SMC5: variants seen among roughly 807,000 people sequenced by gnomAD.
SMC5 encodes structural maintenance of chromosomes protein 5.
A neutral mutation model predicts 148.3 loss-of-function variants in SMC5; 88 were observed. The ratio of observed to expected loss-of-function variants is 0.59; its 90% CI spans 0.50 to 0.71. The LOEUF (loss-of-function observed/expected upper bound fraction) is 0.71. SMC5 is among the 30% of genes least tolerant of loss of function. SMC5 has a pLI of 0.00. For missense variants in SMC5, 1,142 were observed against 1,298.9 expected (o/e 0.88, Z 1.86); for synonymous variants, 421 against 432.8 (o/e 0.97, Z 0.34).
chr9:70,346,781 T>C (rs1204476402), intron 19 of SMC5, 132 bp downstream of exon 19: 8 of 905,942 alleles, frequency 8.8e-6, no homozygotes, highest in Non-Finnish European at 1.4e-5. Flanking sequence ...TAGCATGAAC[T>C]GATACTTCTT....
chr9:70,278,406 G>T, intron 4 of SMC5, 85 bp from the exon 5 acceptor site: 1 of 1,323,566 alleles, frequency 7.6e-7, no homozygotes, highest in South Asian at 1.4e-5. Flanking sequence ...GTTTCACCTT[G>T]ACAAGTGTAA....
chr9:70,294,046 A>G (rs779638406), intron 8 of SMC5, among the ~76,000 whole-genome samples: 2 of 152,138 alleles, frequency 1.3e-5, no homozygotes, highest in African/African-American at 2.4e-5. Context: ...AGGTAGCTAC[A>G]TGGAGTCTCC....
intron 6 of SMC5, among the ~76,000 whole-genome samples, chr9:70,281,190 C>T (rs1383887581): frequency 6.6e-6 from 1 of 152,006 alleles, no homozygotes; most frequent in Non-Finnish European, 1.5e-5. Flanking sequence ...GCATGTGCCA[C>T]CACACCTGGC....
At chr9:70,308,590 C>CAAAAA (rs59441324) in intron 11 of SMC5, among the ~76,000 whole-genome samples, 11 of 72,246 alleles carry the variant, frequency 1.5e-4, no homozygotes, top group East Asian at 1.3e-3. Flanking sequence ...GACTCTGTCT[C>CAAAAA]AAAAAAAAAA....
chr9:70,339,584 A>G (rs1461211326), intron 17 of SMC5, among the ~76,000 whole-genome samples: 2 of 152,160 alleles, frequency 1.3e-5, no homozygotes, highest in Non-Finnish European at 2.9e-5. Context: ...TGTTCCTGCT[A>G]TGCAGCTTCA....
At chr9:70,287,265 T>A (rs1168100757) in intron 8 of SMC5, among the ~76,000 whole-genome samples, 3 of 152,182 alleles carry the variant, frequency 2.0e-5, no homozygotes, top group Non-Finnish European at 4.4e-5. Flanking sequence ...TTGTTTTTTC[T>A]TAGTAGATTT....
In SMC5 at chr9:70,350,258, A is replaced by C. The variant is rs1418698409; in HGVS notation, c.3034A>C (p.Arg1012=). Residue 1012 remains arginine (R), a synonymous_variant, in exon 23 of 25, where the codon AGA becomes CGA. Coordinates refer to ENST00000361138, the MANE Select transcript of SMC5 (RefSeq NM_015110.4). ...LYLMALQELN[R]CPFRVVDEIN... is the part of the protein sequence containing the mutation. ...CTTGATGGCACTTCAGGAGCTAAAT[A>C]GATGTCCATTCAGAGTAGTTGATGA... The C allele has an allele frequency of 6.2e-7, 1 of 1,613,300 alleles. No individual in the cohort carries two copies. The highest frequency in any genetic ancestry group is 8.5e-7 in the Non-Finnish European group (1 of 1,179,718).
chr9:70,320,896 A>G (rs1486151326), intron 15 of SMC5, among the ~76,000 whole-genome samples: 9 of 152,216 alleles, frequency 5.9e-5, no homozygotes, highest in Non-Finnish European at 1.2e-4. Context: ...TTGGTGCACT[A>G]GTTTTGGTAC....
intron 5 of SMC5, 140 bp from the exon 6 acceptor site, chr9:70,280,619 C>G: frequency 2.8e-6 from 2 of 709,732 alleles, no homozygotes; most frequent in Non-Finnish European, 4.5e-6. Flanking sequence ...GTTGCCTAGG[C>G]TGGAGTCTAC....
chr9:70,341,315 G>A (rs1352539528), intron 17 of SMC5, among the ~76,000 whole-genome samples: 1 of 152,116 alleles, frequency 6.6e-6, no homozygotes, highest in Non-Finnish European at 1.5e-5. Context: ...TCAACTCATT[G>A]ATACTTCTTT....
rs962490355 is a variant in SMC5 at position 70,327,204 on chromosome 9, G to A, written c.2397+3061G>A. Among the ~76,000 whole-genome samples the A allele has an allele frequency of 2.6e-5, 4 of 152,076 alleles. No homozygotes were observed. In the East Asian group the frequency reaches 5.8e-4, roughly 22 times the overall value. ...GAGAAATGGCTGATTTCAGGTCCAG[G>A]AGAAGAAATGTTTATATAAGATTAG... On this transcript the variant is annotated intron_variant, in intron 17 of 24. Transcript: ENST00000361138.
intron 5 of SMC5, among the ~76,000 whole-genome samples, chr9:70,280,466 T>G (rs7857663): frequency 0.014 from 2,105 of 152,300 alleles, 52 homozygotes; most frequent in African/African-American, 0.048. Flanking sequence ...GCAGCAGATA[T>G]TTGGGCAAGA....
intron 8 of SMC5, among the ~76,000 whole-genome samples, chr9:70,289,975 A>C (rs2035015742): frequency 6.6e-6 from 1 of 151,988 alleles, no homozygotes; most frequent in African/African-American, 2.4e-5. Context: ...AACCGTTTTG[A>C]GTGTGTTGAC....
At chr9:70,309,763 G>T (rs1272798882) in intron 11 of SMC5, among the ~76,000 whole-genome samples, 1 of 152,084 alleles carries the variant, frequency 6.6e-6, no homozygotes, top group African/African-American at 2.4e-5. Context: ...TTCCCTGAAG[G>T]CTGGAATTCT....
intron 13 of SMC5, among the ~76,000 whole-genome samples, chr9:70,316,635 T>C (rs1222551018): frequency 1.3e-5 from 2 of 152,090 alleles, no homozygotes; most frequent in Non-Finnish European, 2.9e-5. Flanking sequence ...GGTAGGGTTC[T>C]CTCTGAAAGT....
chr9:70,287,719 T>C (rs1431793258), intron 8 of SMC5, among the ~76,000 whole-genome samples: 1 of 152,184 alleles, frequency 6.6e-6, no homozygotes, highest in African/African-American at 2.4e-5. Context: ...TGTTATGTGC[T>C]TAGGGTTGTG....
At chr9:70,285,399 A>G (rs962730594) in intron 7 of SMC5, among the ~76,000 whole-genome samples, 2 of 152,208 alleles carry the variant, frequency 1.3e-5, no homozygotes, top group Non-Finnish European at 2.9e-5. Context: ...AGGGAAGTGC[A>G]TTACAGACTC....
In SMC5 at chr9:70,282,416, T is replaced by G. The variant is rs369703859; in HGVS notation, c.820-6T>G. The G allele has an allele frequency of 2.1e-4, 330 of 1,577,828 alleles. No homozygotes were observed. The highest frequency in any genetic ancestry group is 2.5e-4 in the Non-Finnish European group (290 of 1,167,370). ...ATTAACTTCTGTTTGTTGAATTATT[T>G]GCAAGGAATATGAAAATGTTCGTCA... On this transcript the variant is annotated splice_region_variant and splice_polypyrimidine_tract_variant and intron_variant, in intron 6 of 24. Coordinates refer to ENST00000361138, the MANE Select transcript of SMC5 (RefSeq NM_015110.4).
intron 17 of SMC5, among the ~76,000 whole-genome samples, chr9:70,333,234 C>G (rs1021947996): frequency 6.6e-6 from 1 of 152,172 alleles, no homozygotes; most frequent in Non-Finnish European, 1.5e-5. Flanking sequence ...TATAGAAATT[C>G]ATTGCGGCCC....
Sources: allele counts gnomAD v4.1 joint callset (sites outside exome capture counted in the v4.1 genomes callset), GRCh38; gene constraint gnomAD v4.1.1; transcripts MANE v1.5; gene names NCBI Gene and HGNC (gene_info 2026-07-23, HGNC 2026-07-21).